The following MAP7 variants were observed in gnomAD, a reference collection of about 807,000 sequenced individuals.
MAP7 encodes ensconsin.
Under a neutral mutation model 94.8 loss-of-function variants are expected in MAP7, and 52 were observed. That is an observed-to-expected ratio of 0.55 (90% CI 0.44 to 0.69). MAP7 has a LOEUF of 0.69. Among genes scored for constraint, MAP7 ranks in the 30% least tolerant of loss-of-function variants. MAP7 has a pLI of 0.00. For synonymous variants in MAP7, 350 were observed against 357.0 expected (o/e 0.98, Z 0.22); for missense variants, 940 against 964.6 (o/e 0.97, Z 0.34).
intron 1 of MAP7, among the ~76,000 whole-genome samples, chr6:136,499,690 C>A (rs1156503574): frequency 1.3e-5 from 2 of 151,998 alleles, no homozygotes; most frequent in African/African-American, 4.8e-5. Context: ...TTTTACAAAC[C>A]TTTTACAGTT....
intron 3 of MAP7, among the ~76,000 whole-genome samples, chr6:136,403,934 A>G (rs1044923022): frequency 2.0e-5 from 3 of 152,234 alleles, no homozygotes; most frequent in East Asian, 3.8e-4. Flanking sequence ...TTTGTACACT[A>G]TATTCACTAA....
At chr6:136,455,134 T>C (rs1802485927) in intron 1 of MAP7, among the ~76,000 whole-genome samples, 1 of 151,598 alleles carries the variant, frequency 6.6e-6, no homozygotes. Flanking sequence ...GTGTGTACTC[T>C]GAAAAGGAAT....
chr6:136,474,447 C>T (rs1810161928), intron 1 of MAP7, among the ~76,000 whole-genome samples: 1 of 152,104 alleles, frequency 6.6e-6, no homozygotes, highest in African/African-American at 2.4e-5. Flanking sequence ...CAGAAATGGA[C>T]ATAAGTAGAC....
chr6:136,351,292 AGAAGATGGG>A (rs1789140650), intron 16 of MAP7, among the ~76,000 whole-genome samples: 1 of 152,126 alleles, frequency 6.6e-6, no homozygotes. Flanking sequence ...GCTAGGCAGG[AGAAGATGGG>A]ATACCAGGAA....
intron 1 of MAP7, among the ~76,000 whole-genome samples, chr6:136,457,066 T>TA (rs1320394302): frequency 1.8e-4 from 24 of 132,740 alleles, no homozygotes; most frequent in African/African-American, 4.2e-4. Flanking sequence ...TTAGCTAAAC[T>TA]AAAAAAAAAC....
chr6:136,429,486 T>C (rs1474410895), intron 1 of MAP7, among the ~76,000 whole-genome samples: 1 of 152,228 alleles, frequency 6.6e-6, no homozygotes, highest in Non-Finnish European at 1.5e-5. Flanking sequence ...TTTGGGAAAT[T>C]TGTAAACCCC....
At chr6:136,485,014 G>C (rs2128974563) in intron 1 of MAP7, among the ~76,000 whole-genome samples, 1 of 152,260 alleles carries the variant, frequency 6.6e-6, no homozygotes, top group East Asian at 1.9e-4. Flanking sequence ...CGATTCTTAA[G>C]CTGTGAATCG....
At chr6:136,433,653 T>C (rs1795575084) in intron 1 of MAP7, among the ~76,000 whole-genome samples, 1 of 152,222 alleles carries the variant, frequency 6.6e-6, no homozygotes, top group Non-Finnish European at 1.5e-5. Context: ...TGGATACATT[T>C]ACCATTCCTA....
intron 2 of MAP7, among the ~76,000 whole-genome samples, chr6:136,418,911 G>A (rs944651877): frequency 6.6e-6 from 1 of 152,120 alleles, no homozygotes; most frequent in Non-Finnish European, 1.5e-5. Context: ...TGACATGGTG[G>A]TTACTAAATC....
intron 6 of MAP7, among the ~76,000 whole-genome samples, chr6:136,380,127 AC>A (rs1281151744): frequency 7.2e-5 from 11 of 152,230 alleles, no homozygotes; most frequent in African/African-American, 2.7e-4. Flanking sequence ...CTATTTAAGC[AC>A]TTAAAATTGA....
At position 136,393,981 on chromosome 6, in the gene MAP7, T is replaced by A. The variant is rs983820262; in HGVS notation, c.245-4464A>T. 5.8e-4 allele frequency among the ~76,000 whole-genome samples: 82 copies of A among 140,322 alleles called. 2 individuals are homozygous for A. The highest frequency in any genetic ancestry group is 2.2e-3 in the Admixed American group (31 of 14,112). 92.1% of individuals were successfully genotyped at this position (140,322 alleles called of 152,430 possible). On this transcript the variant is annotated intron_variant, in intron 3 of 17. Transcript: ENST00000354570. ...CTGATATCTCTGCAGCAAAGGTATT[T>A]TTTTTTTTTTTTTTTTTTTTGAGAC...
At chr6:136,494,851 T>C (rs1817713935) in intron 1 of MAP7, among the ~76,000 whole-genome samples, 1 of 152,220 alleles carries the variant, frequency 6.6e-6, no homozygotes, top group African/African-American at 2.4e-5. Context: ...GACAGAATAT[T>C]TCCTTGAGAG....
intron 2 of MAP7, among the ~76,000 whole-genome samples, chr6:136,413,738 G>A (rs999647501): frequency 4.6e-5 from 7 of 152,054 alleles, no homozygotes; most frequent in Non-Finnish European, 8.8e-5. Context: ...TCAGTCTCCT[G>A]AGTAGCTGAA....
intron 11 of MAP7, 55 bp from the exon 12 acceptor site, chr6:136,361,234 A>T: frequency 6.3e-7 from 1 of 1,581,220 alleles, no homozygotes; most frequent in Non-Finnish European, 8.6e-7. Flanking sequence ...GAAATCTTTG[A>T]AGAGAGGCCT....
At chr6:136,497,997 T>C (rs985714865) in intron 1 of MAP7, among the ~76,000 whole-genome samples, 3 of 151,922 alleles carry the variant, frequency 2.0e-5, no homozygotes, top group African/African-American at 7.3e-5. Flanking sequence ...ATCCTTAACT[T>C]TGACAAATAA....
chr6:136,360,546 A>G (rs929495727), intron 13 of MAP7, 151 bp downstream of exon 13: 6 of 699,802 alleles, frequency 8.6e-6, no homozygotes, highest in Non-Finnish European at 1.2e-5. Flanking sequence ...AAACACCGAG[A>G]GAGATTTCTT....
intron 8 of MAP7, among the ~76,000 whole-genome samples, chr6:136,367,401 C>T (rs1202882762): frequency 6.6e-6 from 1 of 152,144 alleles, no homozygotes; most frequent in African/African-American, 2.4e-5. Flanking sequence ...ATTATCTAGC[C>T]CCAGGTCACA....
intron 5 of MAP7, among the ~76,000 whole-genome samples, chr6:136,384,809 A>G (rs905969419): frequency 6.6e-6 from 1 of 152,160 alleles, no homozygotes; most frequent in African/African-American, 2.4e-5. Context: ...TTAAGTTCAA[A>G]TCAGAAGGGA....
At chr6:136,400,005 C>A (rs956099461) in intron 3 of MAP7, among the ~76,000 whole-genome samples, 1 of 152,132 alleles carries the variant, frequency 6.6e-6, no homozygotes, top group Non-Finnish European at 1.5e-5. Context: ...GTTTAGCACA[C>A]CTTTCAAATT....
Sources: allele counts gnomAD v4.1 joint callset (sites outside exome capture counted in the v4.1 genomes callset), GRCh38; gene constraint gnomAD v4.1.1; transcripts MANE v1.5; gene names NCBI Gene and HGNC (gene_info 2026-07-23, HGNC 2026-07-21).